The following LMBR1 variants were observed in gnomAD, a reference collection of about 807,000 sequenced individuals.
LMBR1 encodes the protein limb development membrane protein 1.
LMBR1 carries 52 observed loss-of-function variants against 73.9 expected under a neutral mutation model. That is an observed-to-expected ratio of 0.70 (90% CI 0.56 to 0.89). The LOEUF (loss-of-function observed/expected upper bound fraction) is 0.89. Among genes scored for constraint, LMBR1 ranks in the 40% least tolerant of loss-of-function variants. LMBR1 has a pLI of 0.00. For missense variants in LMBR1, 539 were observed against 579.8 expected (o/e 0.93, Z 0.72); for synonymous variants, 215 against 209.4 (o/e 1.03, Z -0.23).
In LMBR1 at chr7:156,779,581, C is replaced by T. The variant is rs112621739; in HGVS notation, c.424-15786G>A. On this transcript the variant is annotated intron_variant, in intron 5 of 16. Transcript: ENST00000353442. ...CACTCAAATGGTTATGATATAATTG[C>T]TTCTTGGAATTTTTGTGCTGGTCAA... 636 of 700,222 alleles carry T rather than the reference C, an allele frequency of 9.1e-4. 9 individuals are homozygous for T. The East Asian group carries it at 0.023, about 25-fold the overall frequency. The allele number at this position is 700,222 out of a possible 1,614,324, so 43.4% of individuals were successfully genotyped here. A position where few individuals can be genotyped will look rare whatever the true frequency, so the allele number is the denominator to read the frequency against.
chr7:156,759,816 G>A (rs1169567011), intron 8 of LMBR1, among the ~76,000 whole-genome samples: 1 of 152,212 alleles, frequency 6.6e-6, no homozygotes, highest in Admixed American at 6.5e-5. Context: ...CTGCACAGGG[G>A]AGGGGAAGGA....
At chr7:156,831,946 A>C (rs913008308) in intron 3 of LMBR1, among the ~76,000 whole-genome samples, 2 of 152,202 alleles carry the variant, frequency 1.3e-5, no homozygotes, top group African/African-American at 4.8e-5. Context: ...TCTACCTTTT[A>C]TTCAGTCTCT....
chr7:156,864,860 G>A (rs575925134), intron 1 of LMBR1, among the ~76,000 whole-genome samples: 1 of 152,048 alleles, frequency 6.6e-6, no homozygotes, highest in South Asian at 2.1e-4. Context: ...GCCAGGCACG[G>A]TGGTGGGTGC....
At chr7:156,759,687 C>T (rs960893452) in intron 8 of LMBR1, among the ~76,000 whole-genome samples, 5 of 152,176 alleles carry the variant, frequency 3.3e-5, no homozygotes, top group African/African-American at 7.2e-5. Flanking sequence ...ATGCAAAATG[C>T]TCGTTCCCTG....
chr7:156,710,007 C>T (rs960904879), intron 15 of LMBR1, among the ~76,000 whole-genome samples: 2 of 150,654 alleles, frequency 1.3e-5, no homozygotes, highest in African/African-American at 4.9e-5. Context: ...CGGGTTCACG[C>T]CATTCTCCTG....
At chr7:156,774,769 T>C (rs941418331) in intron 5 of LMBR1, among the ~76,000 whole-genome samples, 1 of 151,966 alleles carries the variant, frequency 6.6e-6, no homozygotes, top group Non-Finnish European at 1.5e-5. Flanking sequence ...GAGGTGAAGG[T>C]TGCAGTGAGC....
chr7:156,856,674 C>T (rs1253802135), intron 1 of LMBR1, among the ~76,000 whole-genome samples: 1 of 151,510 alleles, frequency 6.6e-6, no homozygotes, highest in Non-Finnish European at 1.5e-5. Context: ...CCACTGCACT[C>T]CAGCCTAGGC....
At chr7:156,684,262 T>A in intron 16 of LMBR1, 99 bp from the exon 17 acceptor site, 1 of 954,822 alleles carries the variant, frequency 1.0e-6, no homozygotes. Flanking sequence ...AGCTAAGTGT[T>A]ATTTGGAAAG....
chr7:156,827,248 TTAAA>T (rs1162164507), intron 3 of LMBR1, among the ~76,000 whole-genome samples: 2 of 152,068 alleles, frequency 1.3e-5, no homozygotes, highest in Admixed American at 6.6e-5. Context: ...TGGGTAAAGA[TTAAA>T]TAAATTATAG....
At chr7:156,787,160 T>C (rs1008071846) in intron 5 of LMBR1, among the ~76,000 whole-genome samples, 2 of 152,142 alleles carry the variant, frequency 1.3e-5, no homozygotes, top group Admixed American at 1.3e-4. Flanking sequence ...GAGCGCTTCT[T>C]ACTGAGCCTC....
intron 1 of LMBR1, among the ~76,000 whole-genome samples, chr7:156,837,298 G>A (rs58118518): frequency 0.066 from 9,683 of 146,486 alleles, 357 homozygotes; most frequent in East Asian, 0.15. Flanking sequence ...TCACACCATC[G>A]CACTCTAGCC....
At chr7:156,690,112 C>T (rs1806858070) in intron 15 of LMBR1, among the ~76,000 whole-genome samples, 1 of 152,168 alleles carries the variant, frequency 6.6e-6, no homozygotes, top group Admixed American at 6.5e-5. Context: ...AAACCCTTGC[C>T]CAGATGCTCT....
In LMBR1 at chr7:156,669,934, C is replaced by T. The variant is rs79394506; in HGVS notation, n.867-647G>A. Among the ~76,000 whole-genome samples the T allele has an allele frequency of 0.018, 2,747 of 152,276 alleles. 84 individuals are homozygous for T. Among genetic ancestry groups the T allele is most frequent in the African/African-American group, 0.063 (2,631 of 41,548 alleles). On this transcript the variant is annotated intron_variant and non_coding_transcript_variant, in intron 4 of 4. Transcript: ENST00000430825. The surrounding 1 kb of genome is among the most constrained non-coding windows in gnomAD (Gnocchi z 4.2). ...GTGCCATGAAAATGAAACACAGATC[C>T]CTGTTTAAAAGAAAGAAAACATGGG...
At chr7:156,798,360 G>A (rs971536490) in intron 4 of LMBR1, among the ~76,000 whole-genome samples, 2 of 152,124 alleles carry the variant, frequency 1.3e-5, no homozygotes, top group African/African-American at 4.8e-5. Flanking sequence ...TGAGACTCCA[G>A]GCTCGCTTGC....
At chr7:156,782,120 G>T (rs912345333) in intron 5 of LMBR1, among the ~76,000 whole-genome samples, 1 of 152,184 alleles carries the variant, frequency 6.6e-6, no homozygotes, top group South Asian at 2.1e-4. Flanking sequence ...AACTTAGCAA[G>T]GTTCATCCAC....
intron 1 of LMBR1, among the ~76,000 whole-genome samples, chr7:156,837,872 C>T (rs889633876): frequency 4.6e-5 from 7 of 151,190 alleles, no homozygotes; most frequent in Non-Finnish European, 7.4e-5. Context: ...TTGCAACCTC[C>T]GCCTCCCAGA....
chr7:156,727,825 T>C (rs1035810369), intron 12 of LMBR1, 105 bp downstream of exon 12: 91 of 641,244 alleles, frequency 1.4e-4, no homozygotes, highest in Non-Finnish European at 1.0e-4. Context: ...TTGAAGTATA[T>C]ACATGCACAA....
intron 6 of LMBR1, 141 bp downstream of exon 6, chr7:156,763,528 A>C (rs1346811738): frequency 1.6e-6 from 1 of 640,934 alleles, no homozygotes; most frequent in East Asian, 3.4e-5. Context: ...AAATATCTAA[A>C]GATTTCTTAA....
chr7:156,719,124 C>CCCT (rs1813904249), intron 15 of LMBR1, among the ~76,000 whole-genome samples: 1 of 91,984 alleles, frequency 1.1e-5, no homozygotes, highest in Non-Finnish European at 2.4e-5. Flanking sequence ...CTAATGCTAT[C>CCCT]CCCCCCCTCC....
Sources: gnomAD v4.1 joint callset for allele counts (sites outside exome capture counted in the v4.1 genomes callset) on GRCh38, gnomAD v4.1.1 for gene constraint, Gnocchi (gnomAD v3.1) non-coding constraint, MANE v1.5 for transcripts, NCBI Gene and HGNC (gene_info 2026-07-23, HGNC 2026-07-21) for gene names.